The following MYO3B variants were observed in gnomAD, a reference collection of about 807,000 sequenced individuals.
MYO3B encodes myosin-IIIb.
MYO3B carries 156 observed loss-of-function variants against 174.6 expected under a neutral mutation model. That is an observed-to-expected ratio of 0.89 (90% confidence interval 0.78 to 1.02). MYO3B has a LOEUF of 1.02. Among genes scored for constraint, MYO3B ranks in the 50% least tolerant of loss-of-function variants. The pLI is 0.00. For missense variants in MYO3B, 1,632 were observed against 1,639.4 expected (o/e 1.00, Z 0.08); for synonymous variants, 563 against 569.1 (o/e 0.99, Z 0.15).
intron 6 of MYO3B, among the ~76,000 whole-genome samples, chr2:170,222,346 G>A (rs145320957): frequency 1.0e-3 from 155 of 152,188 alleles, no homozygotes; most frequent in African/African-American, 3.5e-3. Context: ...TTATTTTCCC[G>A]GTCTGCTGTA....
intron 7 of MYO3B, among the ~76,000 whole-genome samples, chr2:170,260,590 A>G (rs971967128): frequency 3.3e-5 from 5 of 152,184 alleles, no homozygotes; most frequent in African/African-American, 1.2e-4. Flanking sequence ...AAAACCACCT[A>G]TTGGGTACTG....
chr2:170,352,918 A>AAG (rs1364379127), intron 8 of MYO3B, among the ~76,000 whole-genome samples: 1 of 152,216 alleles, frequency 6.6e-6, no homozygotes, highest in Non-Finnish European at 1.5e-5. Flanking sequence ...AAATGCTGCC[A>AAG]AGGATGTGGA....
chr2:170,590,285 T>G (rs1487276902), intron 32 of MYO3B, among the ~76,000 whole-genome samples: 2 of 152,216 alleles, frequency 1.3e-5, no homozygotes, highest in Non-Finnish European at 2.9e-5. Context: ...GACAAAGATT[T>G]TTTTAAATGA....
chr2:170,364,526 T>A (rs1254799189), intron 8 of MYO3B, among the ~76,000 whole-genome samples: 1 of 152,192 alleles, frequency 6.6e-6, no homozygotes, highest in Non-Finnish European at 1.5e-5. Context: ...TAAAAACTGC[T>A]CAGTCCCTGG....
chr2:170,291,032 C>A (rs1240844620), intron 7 of MYO3B, among the ~76,000 whole-genome samples: 1 of 151,916 alleles, frequency 6.6e-6, no homozygotes, highest in Non-Finnish European at 1.5e-5. Context: ...GGTGGATCAC[C>A]TGAGTCAGGA....
intron 7 of MYO3B, among the ~76,000 whole-genome samples, chr2:170,305,856 G>C (rs569971186): frequency 1.3e-5 from 2 of 152,202 alleles, no homozygotes; most frequent in South Asian, 4.2e-4. Context: ...TGTGTAGCTG[G>C]GATTACAGGT....
chr2:170,561,711 C>A (rs1179427489), intron 32 of MYO3B, among the ~76,000 whole-genome samples: 1 of 152,112 alleles, frequency 6.6e-6, no homozygotes, highest in African/African-American at 2.4e-5. Flanking sequence ...GGTAGTTCTT[C>A]AAGTATTTGT....
chr2:170,564,821 A>T (rs1691961386), intron 32 of MYO3B, among the ~76,000 whole-genome samples: 1 of 152,182 alleles, frequency 6.6e-6, no homozygotes, highest in African/African-American at 2.4e-5. Flanking sequence ...CAAAGTATTT[A>T]ATGTGTGGAA....
chr2:170,380,004 C>T (rs2094323638), intron 9 of MYO3B, among the ~76,000 whole-genome samples: 1 of 152,194 alleles, frequency 6.6e-6, no homozygotes, highest in Admixed American at 6.5e-5. Flanking sequence ...TTCCTTTTTA[C>T]CTACTTTTGT....
At chr2:170,570,736 C>T (rs531483318) in intron 32 of MYO3B, among the ~76,000 whole-genome samples, 2 of 152,034 alleles carry the variant, frequency 1.3e-5, no homozygotes, top group South Asian at 2.1e-4. Flanking sequence ...CAGTCATTTG[C>T]GCGTTATTCT....
intron 32 of MYO3B, among the ~76,000 whole-genome samples, chr2:170,649,362 T>TAA (rs1559202587): frequency 2.0e-4 from 10 of 48,922 alleles, no homozygotes; most frequent in African/African-American, 5.9e-4. Flanking sequence ...ATATAATATA[T>TAA]TATATAAAAA....
chr2:170,448,982 T>C (rs1269465823), intron 23 of MYO3B, among the ~76,000 whole-genome samples: 1 of 152,228 alleles, frequency 6.6e-6, no homozygotes, highest in African/African-American at 2.4e-5. Context: ...GCTGAAACTT[T>C]GTTCTACAAG....
At chr2:170,274,311 A>G (rs1465722250) in intron 7 of MYO3B, among the ~76,000 whole-genome samples, 1 of 152,120 alleles carries the variant, frequency 6.6e-6, no homozygotes, top group Non-Finnish European at 1.5e-5. Flanking sequence ...GCCTGTCTGA[A>G]TGTAATTTTG....
At chr2:170,289,483 C>T (rs933108612) in intron 7 of MYO3B, among the ~76,000 whole-genome samples, 1 of 151,988 alleles carries the variant, frequency 6.6e-6, no homozygotes, top group Non-Finnish European at 1.5e-5. Context: ...TCCAGGTTTT[C>T]CAATTCGTTG....
chr2:170,477,279 A>AG (rs1192055028), intron 25 of MYO3B, among the ~76,000 whole-genome samples: 14 of 152,030 alleles, frequency 9.2e-5, no homozygotes, highest in Non-Finnish European at 1.6e-4. Context: ...CAGTCCAGGC[A>AG]CCTTCTCTAT....
intron 7 of MYO3B, among the ~76,000 whole-genome samples, chr2:170,293,332 A>G (rs2093608129): frequency 6.6e-6 from 1 of 152,164 alleles, no homozygotes; most frequent in Non-Finnish European, 1.5e-5. Context: ...ACTTTTTGTT[A>G]CTATATAAGT....
rs1224242620 is a variant in MYO3B at position 170,400,244 on chromosome 2, G to A, written c.1848G>A (p.Glu616=). ...GGATTTTGAATATTGGGAACATTGA[G>A]TTCGCAGCTATTTCCTCTCAACATC... ...LAGILNIGNI[E]FAAISSQHQT... The change falls in exon 17 of 35, where the codon GAG becomes GAA. Residue 616 remains glutamate (E), a synonymous_variant. Coordinates refer to ENST00000408978, the MANE Select transcript of MYO3B (RefSeq NM_138995.5). 6.2e-7 allele frequency: 1 copy of A among 1,614,058 alleles called. No homozygotes were observed. Among genetic ancestry groups the A allele is most frequent in the Non-Finnish European group, 8.5e-7 (1 of 1,180,008 alleles).
At chr2:170,431,845 A>G (rs920291833) in intron 22 of MYO3B, among the ~76,000 whole-genome samples, 5 of 152,240 alleles carry the variant, frequency 3.3e-5, no homozygotes, top group Admixed American at 2.6e-4. Flanking sequence ...ATATACAGTT[A>G]TGCATCACAT....
intron 7 of MYO3B, among the ~76,000 whole-genome samples, chr2:170,249,804 G>T (rs1217526696): frequency 6.6e-6 from 1 of 152,182 alleles, no homozygotes; most frequent in African/African-American, 2.4e-5. Context: ...CTCATTAGTG[G>T]TTATATGGCA....
Sources: gnomAD v4.1 joint callset for allele counts (sites outside exome capture counted in the v4.1 genomes callset) on GRCh38, gnomAD v4.1.1 for gene constraint, MANE v1.5 for transcripts, NCBI Gene and HGNC (gene_info 2026-07-23, HGNC 2026-07-21) for gene names.